The following DOP1B variants were observed in gnomAD, a reference collection of about 807,000 sequenced individuals.
DOP1B encodes protein DOP1B.
In DOP1B, 174 loss-of-function variants were observed where a neutral mutation model predicts 233.5. The ratio of observed to expected loss-of-function variants is 0.75; its 90% confidence interval spans 0.66 to 0.85. The LOEUF is 0.85. Among genes scored for constraint, DOP1B ranks in the 40% least tolerant of loss-of-function variants. The pLI is 0.00. For missense variants in DOP1B, 2,652 were observed against 2,846.6 expected (o/e 0.93, Z 1.56); for synonymous variants, 1,190 against 1,185.6 (o/e 1.00, Z -0.08).
chr21:36,244,850 A>G (rs1012581330), intron 18 of DOP1B, among the ~76,000 whole-genome samples, 198 bp from the exon 19 acceptor site: 12 of 152,238 alleles, frequency 7.9e-5, no homozygotes, highest in Admixed American at 7.2e-4. Flanking sequence ...CCCATCCTTG[A>G]ACATTCTGTA....
chr21:36,192,716 C>T (rs1277344476), intron 2 of DOP1B, among the ~76,000 whole-genome samples: 1 of 144,406 alleles, frequency 6.9e-6, no homozygotes, highest in Non-Finnish European at 1.5e-5. Flanking sequence ...GAAATGGAGT[C>T]TCACTCTGTT....
At chr21:36,210,788 A>G (rs1258774683) in intron 5 of DOP1B, among the ~76,000 whole-genome samples, 3 of 152,146 alleles carry the variant, frequency 2.0e-5, no homozygotes, top group African/African-American at 7.2e-5. Flanking sequence ...CTCCAGCCTG[A>G]GTGACAGAGC....
At chr21:36,157,459 C>T (rs2123373420) in intron 1 of DOP1B, among the ~76,000 whole-genome samples, 1 of 152,342 alleles carries the variant, frequency 6.6e-6, no homozygotes, top group Non-Finnish European at 1.5e-5. Flanking sequence ...GGATCCGGGC[C>T]GCAGTGCGCG....
intron 23 of DOP1B, among the ~76,000 whole-genome samples, chr21:36,259,993 A>G (rs1379610601): frequency 6.6e-6 from 1 of 151,904 alleles, no homozygotes; most frequent in Non-Finnish European, 1.5e-5. Flanking sequence ...CTGGGCTTGG[A>G]GTCATCTTCT....
intron 2 of DOP1B, among the ~76,000 whole-genome samples, chr21:36,171,140 T>C (rs2065968800): frequency 6.6e-6 from 1 of 152,212 alleles, no homozygotes; most frequent in African/African-American, 2.4e-5. Context: ...GAGAGAGGGC[T>C]CAGACCCCGA....
chr21:36,226,424 G>A (rs1018171322), intron 12 of DOP1B, among the ~76,000 whole-genome samples: 4 of 151,088 alleles, frequency 2.6e-5, no homozygotes, highest in Non-Finnish European at 5.9e-5. Flanking sequence ...CGGCCTCCCA[G>A]GTAGCTGGGA....
chr21:36,261,943 T>C (rs1329827913), intron 24 of DOP1B: 5 of 983,378 alleles, frequency 5.1e-6, no homozygotes, highest in Non-Finnish European at 6.0e-6. Context: ...GGGAAGGGTA[T>C]AGACCACTTC....
At chr21:36,187,898 G>T (rs1044888912) in intron 2 of DOP1B, among the ~76,000 whole-genome samples, 6 of 152,124 alleles carry the variant, frequency 3.9e-5, no homozygotes, top group Non-Finnish European at 8.8e-5. Flanking sequence ...ACTGCGCCTG[G>T]CCTGCTTCTT....
At chr21:36,193,938 T>C (rs1297720677) in intron 2 of DOP1B, among the ~76,000 whole-genome samples, 2 of 152,256 alleles carry the variant, frequency 1.3e-5, no homozygotes, top group Non-Finnish European at 2.9e-5. Context: ...TGCTGGGCAG[T>C]ATGCTAAATT....
At chr21:36,229,661 C>CTTTTTT (rs373779563) in intron 13 of DOP1B, among the ~76,000 whole-genome samples, 3 of 127,714 alleles carry the variant, frequency 2.3e-5, no homozygotes, top group African/African-American at 9.0e-5. Context: ...CTTGCTTTAC[C>CTTTTTT]TTTTTTTTTT....
At chr21:36,231,679 GTTTTTT>G (rs1224600446) in intron 14 of DOP1B, among the ~76,000 whole-genome samples, 1 of 131,930 alleles carries the variant, frequency 7.6e-6, no homozygotes, top group African/African-American at 2.8e-5. Flanking sequence ...GGGTTTTTTT[GTTTTTT>G]TTTTTTTTTT....
chr21:36,232,002 C>T (rs1224474511), intron 14 of DOP1B, among the ~76,000 whole-genome samples: 1 of 152,180 alleles, frequency 6.6e-6, no homozygotes, highest in African/African-American at 2.4e-5. Flanking sequence ...CACGCCACCA[C>T]ACCCAGCTAA....
intron 32 of DOP1B, 117 bp from the exon 33 acceptor site, chr21:36,287,897 T>A (rs1396388882): frequency 8.3e-6 from 11 of 1,330,026 alleles, no homozygotes; most frequent in Non-Finnish European, 6.1e-6. Context: ...TAACACTCAT[T>A]CCTTACACTG....
intron 2 of DOP1B, chr21:36,169,136 G>A: frequency 1.1e-6 from 1 of 916,516 alleles, no homozygotes; most frequent in Non-Finnish European, 1.8e-6. Context: ...CAGCAAAGAT[G>A]TGCAGAGAAT....
At position 36,274,064 on chromosome 21, in the gene DOP1B, ACT is replaced by A. The variant is rs201637635; in HGVS notation, c.5633-2954_5633-2953del. On this transcript the variant is annotated intron_variant, in intron 27 of 36. Coordinates refer to ENST00000691173, the MANE Select transcript of DOP1B (RefSeq NM_001320714.2). ...CTCCACTCCAGCCTAGGCAACAGAG[ACT>A]CTGTCTCAAAAAAAGAAAGAAAGCA... Among the ~76,000 whole-genome samples, 1,473 of 151,850 alleles carry A rather than the reference ACT, an allele frequency of 9.7e-3. 13 individuals are homozygous for A. The highest frequency in any genetic ancestry group is 0.031 in the Middle Eastern group (9 of 294).
chr21:36,166,293 C>A (rs1284951916), intron 2 of DOP1B, among the ~76,000 whole-genome samples: 1 of 151,738 alleles, frequency 6.6e-6, no homozygotes, highest in Non-Finnish European at 1.5e-5. Flanking sequence ...AAAAATTAGC[C>A]GGGCGTGGTG....
At chr21:36,292,758 C>T (rs1167673578) in intron 36 of DOP1B, among the ~76,000 whole-genome samples, 1 of 151,990 alleles carries the variant, frequency 6.6e-6, no homozygotes, top group Non-Finnish European at 1.5e-5. Flanking sequence ...ACTACAGGCA[C>T]ATGCCACCAC....
At chr21:36,196,202 G>C (rs2835313) in intron 2 of DOP1B, among the ~76,000 whole-genome samples, 21,502 of 152,274 alleles carry the variant, frequency 0.14, 1,822 homozygotes, top group South Asian at 0.21. Context: ...GTTAAAAAGA[G>C]AAAACTCTGC....
In DOP1B at chr21:36,200,803, A is replaced by G. The variant is rs375157280; in HGVS notation, c.491+302A>G. Among the ~76,000 whole-genome samples, 10 of 151,310 alleles carry G rather than the reference A, an allele frequency of 6.6e-5. No individual in the cohort carries two copies. The East Asian group carries it at 7.8e-4, about 12-fold the overall frequency. Reference sequence around the variant, plus strand: ...GCTTGCAGTGAGCCGAGATCGCACCACTGCACTCCAGCCTGGACAACAGAG... The same window carrying G: ...GCTTGCAGTGAGCCGAGATCGCACCGCTGCACTCCAGCCTGGACAACAGAG... On this transcript the variant is annotated intron_variant, in intron 4 of 36. Coordinates refer to ENST00000691173, the MANE Select transcript of DOP1B (RefSeq NM_001320714.2).
Sources: allele counts gnomAD v4.1 joint callset (sites outside exome capture counted in the v4.1 genomes callset), GRCh38; gene constraint gnomAD v4.1.1; transcripts MANE v1.5; gene names NCBI Gene and HGNC (gene_info 2026-07-23, HGNC 2026-07-21).